The following KIF27 variants were observed in gnomAD, a reference collection of about 807,000 sequenced individuals.
KIF27 encodes kinesin-like protein KIF27.
KIF27 carries 84 observed loss-of-function variants against 141.8 expected under a neutral mutation model. That is an observed-to-expected ratio of 0.59 (90% CI 0.50 to 0.71). The LOEUF is 0.71. Ranked by LOEUF, KIF27 falls within the 30% of genes least tolerant of loss-of-function variation. The probability of loss-of-function intolerance (pLI) is 0.00; values close to 1 mark genes in which losing one functional copy is unlikely to be tolerated. For missense variants in KIF27, 1,306 were observed against 1,628.4 expected (o/e 0.80, Z 3.41); for synonymous variants, 471 against 569.5 (o/e 0.83, Z 2.46).
Position 83,870,622 on chromosome 9 carries a change from A to G in KIF27, c.2654T>C (p.Leu885Ser). The stretch of plus-strand genomic sequence containing the variant: ...TAGACCTTCTTCCTGTCCTGTTTTT[A>G]ATTGTATTTCCTATAGAAAAAGAAA... ...RDQQKIKEIQ[L>S]KTGQEEGLKP... is the part of the protein sequence containing the mutation. The change falls in exon 12 of 18, where the codon TTA (leucine) becomes TCA (serine). Residue 885 changes from leucine (L) to serine (S), a missense_variant. Physicochemically the swap from Leu to Ser is moderately radical, Grantham distance 145. Coordinates refer to ENST00000297814, the MANE Select transcript of KIF27 (RefSeq NM_017576.4). 1 of 1,613,462 alleles carries G rather than the reference A, an allele frequency of 6.2e-7. No homozygotes were observed. The highest frequency in any genetic ancestry group is 1.7e-4 in the Middle Eastern group (1 of 6,054).
intron 11 of KIF27, 143 bp from the exon 12 acceptor site, chr9:83,870,775 A>C: frequency 1.5e-6 from 2 of 1,368,542 alleles, no homozygotes; most frequent in Non-Finnish European, 1.9e-6. Flanking sequence ...CAGTGGCACA[A>C]TCACAGCCTC....
intron 16 of KIF27, among the ~76,000 whole-genome samples, chr9:83,843,193 G>C (rs988416543): frequency 4.1e-5 from 6 of 146,220 alleles, no homozygotes; most frequent in African/African-American, 1.5e-4. Flanking sequence ...AGGCCATAAA[G>C]ACTAAATCAC....
In KIF27 at chr9:83,880,334, A is replaced by C. The variant is rs1330113964; in HGVS notation, c.2606T>G (p.Leu869Arg). 1 of 1,613,678 alleles carries C rather than the reference A, an allele frequency of 6.2e-7. No individual in the cohort carries two copies. Among genetic ancestry groups the C allele is most frequent in the Non-Finnish European group, 8.5e-7 (1 of 1,179,798 alleles). The change falls in exon 11 of 18, where the codon CTG becomes CGG. Residue 869 changes from leucine to arginine, a missense_variant. By Grantham distance (102) the Leu-to-Arg change is moderately radical. Coordinates refer to ENST00000297814, the MANE Select transcript of KIF27 (RefSeq NM_017576.4). ...CTGGTCCCGCTTAATTACTGCATCCAGTTGCTTCCTTTTTTCATTTTCTTC... is the reference window on the plus strand; with the variant it reads ...CTGGTCCCGCTTAATTACTGCATCCCGTTGCTTCCTTTTTTCATTTTCTTC... ...LREENEKRKQ[L>R]DAVIKRDQQK...
At chr9:83,916,338 T>A (rs1412123417) in intron 1 of KIF27, among the ~76,000 whole-genome samples, 3 of 152,162 alleles carry the variant, frequency 2.0e-5, no homozygotes, top group African/African-American at 7.2e-5. Flanking sequence ...AGCCTGTACA[T>A]GTGTTAAAAA....
chr9:83,892,307 C>T (rs1054134539), intron 5 of KIF27, among the ~76,000 whole-genome samples: 8 of 152,046 alleles, frequency 5.3e-5, no homozygotes, highest in African/African-American at 1.7e-4. Context: ...TTAAAAATCA[C>T]GTATTCAGAT....
chr9:83,885,386 C>A (rs963574630), intron 9 of KIF27, among the ~76,000 whole-genome samples: 2 of 152,186 alleles, frequency 1.3e-5, no homozygotes, highest in African/African-American at 4.8e-5. Flanking sequence ...AGCCACCGTG[C>A]CCAGCCTATT....
intron 8 of KIF27, among the ~76,000 whole-genome samples, 161 bp downstream of exon 8, chr9:83,888,328 G>A (rs931523137): frequency 1.3e-5 from 2 of 152,048 alleles, no homozygotes; most frequent in Non-Finnish European, 2.9e-5. Context: ...GAGTAAAAGA[G>A]GTAAAACAGA....
chr9:83,912,465 G>A (rs553650666), intron 2 of KIF27, among the ~76,000 whole-genome samples: 2 of 152,256 alleles, frequency 1.3e-5, no homozygotes, highest in African/African-American at 2.4e-5. Flanking sequence ...TAGCCTGTAG[G>A]AAATATCTAA....
At chr9:83,856,461 G>C (rs1470991081) in intron 14 of KIF27, among the ~76,000 whole-genome samples, 3 of 151,782 alleles carry the variant, frequency 2.0e-5, no homozygotes, top group Non-Finnish European at 4.4e-5. Flanking sequence ...ACAAAAATTA[G>C]GCCAGGTGCA....
chr9:83,883,809 T>C lies in KIF27; in HGVS notation c.2445+4A>G. 1 of 1,597,386 alleles carries C rather than the reference T, an allele frequency of 6.3e-7. No individual in the cohort carries two copies. Among genetic ancestry groups the C allele is most frequent in the Non-Finnish European group, 8.6e-7 (1 of 1,167,958 alleles). On this transcript the variant is annotated splice_donor_region_variant and intron_variant, in intron 10 of 17. Coordinates refer to ENST00000297814, the MANE Select transcript of KIF27 (RefSeq NM_017576.4). ...AGTTTTCTCAATTACATTTTTTAAA[T>C]TACCTGAACTCTCAGCTTTGCAGCA...
At chr9:83,914,803 T>C (rs1365027264) in intron 2 of KIF27, among the ~76,000 whole-genome samples, 2 of 152,210 alleles carry the variant, frequency 1.3e-5, no homozygotes, top group Non-Finnish European at 2.9e-5. Context: ...TATGATTCCA[T>C]CTTTTCCAAA....
At chr9:83,874,835 G>A (rs1951079593) in intron 11 of KIF27, among the ~76,000 whole-genome samples, 1 of 151,376 alleles carries the variant, frequency 6.6e-6, no homozygotes, top group South Asian at 2.1e-4. Context: ...TTGGGAGGCT[G>A]AGGTGGGAGG....
At chr9:83,887,651 A>G (rs146228809) in intron 8 of KIF27, among the ~76,000 whole-genome samples, 3,158 of 152,120 alleles carry the variant, frequency 0.021, 52 homozygotes, top group Middle Eastern at 0.082. Context: ...CTATGTCACT[A>G]AGCACACTGC....
At chr9:83,910,206 A>G (rs1417398606) in intron 2 of KIF27, among the ~76,000 whole-genome samples, 1 of 151,848 alleles carries the variant, frequency 6.6e-6, no homozygotes, top group Non-Finnish European at 1.5e-5. Flanking sequence ...GCCCAAAGCC[A>G]CTCCACCTCT....
At position 83,903,741 on chromosome 9, in the gene KIF27, T is replaced by G; in HGVS notation, c.777A>C (p.Glu259Asp). The change falls in exon 4 of 18, where the codon GAA becomes GAC. Residue 259 changes from glutamate (E) to aspartate (D), a missense_variant. By Grantham distance (45) the Glu-to-Asp change is conservative (BLOSUM62 2). This residue lies in a region of KIF27 where 533 missense variants were observed against 565.6 expected (regional missense o/e 0.94). Coordinates refer to ENST00000297814, the MANE Select transcript of KIF27 (RefSeq NM_017576.4). Reference protein sequence around the residue: ...ERVTKTGNTGERFKESIQINS... With the variant: ...ERVTKTGNTGDRFKESIQINS... ...TGATTTGAATGGATTCTTTGAACCG[T>G]TCACCAGTATTCCCCGTTTTGGTTA... The G allele has an allele frequency of 6.2e-7, 1 of 1,614,218 alleles. No individual in the cohort carries two copies. The highest frequency in any genetic ancestry group is 8.5e-7 in the Non-Finnish European group (1 of 1,180,038).
At chr9:83,886,579 C>CA (rs977851122) in intron 9 of KIF27, among the ~76,000 whole-genome samples, 8 of 150,512 alleles carry the variant, frequency 5.3e-5, no homozygotes, top group Non-Finnish European at 8.9e-5. Flanking sequence ...AATACACTGT[C>CA]AAAAAAAAAT....
At chr9:83,919,583 A>T (rs539273733) in intron 1 of KIF27, among the ~76,000 whole-genome samples, 1 of 151,776 alleles carries the variant, frequency 6.6e-6, no homozygotes, top group East Asian at 1.9e-4. Context: ...AATTGATAAT[A>T]TTCACTACCC....
chr9:83,877,901 G>C (rs1174384661), intron 11 of KIF27, among the ~76,000 whole-genome samples: 1 of 151,988 alleles, frequency 6.6e-6, no homozygotes, highest in Non-Finnish European at 1.5e-5. Flanking sequence ...CACATGAAAA[G>C]ATGCTCAACA....
chr9:83,877,905 C>A (rs1588132303), intron 11 of KIF27, among the ~76,000 whole-genome samples: 1 of 151,946 alleles, frequency 6.6e-6, no homozygotes, highest in East Asian at 1.9e-4. Flanking sequence ...TGAAAAGATG[C>A]TCAACATCAT....
Sources: gnomAD v4.1 joint callset for allele counts (sites outside exome capture counted in the v4.1 genomes callset) on GRCh38, gnomAD v4.1.1 for gene constraint, gnomAD v4.1.1 regional missense constraint, MANE v1.5 for transcripts, NCBI Gene and HGNC (gene_info 2026-07-23, HGNC 2026-07-21) for gene names.